Variants in ELOVL6 observed in about 807,000 individuals in gnomAD.
ELOVL6 encodes the protein ELOVL fatty acid elongase 6, also known as very long chain fatty acid elongase 6.
Under a neutral mutation model 31.7 loss-of-function variants are expected in ELOVL6, and 8 were observed. The observed-to-expected ratio is 0.25, with a 90% CI of 0.15 to 0.45. The LOEUF is 0.45. ELOVL6 is among the 20% of genes least tolerant of loss of function. ELOVL6 has a pLI of 1.00. For synonymous variants in ELOVL6, 101 were observed against 117.7 expected, an observed-to-expected ratio of 0.86 and a Z score of 0.92; for missense variants, 126 against 326.4, an observed-to-expected ratio of 0.39 and a Z score of 4.73.
rs117721449 is a variant in ELOVL6 at position 110,107,626 on chromosome 4, A to G, written c.90-1998T>C. Among the ~76,000 whole-genome samples the G allele has an allele frequency of 1.5e-3, 227 of 152,270 alleles. 6 individuals carry two copies. The East Asian group carries it at 0.041, about 28-fold the overall frequency. On this transcript the variant is annotated intron_variant, in intron 1 of 3. Transcript: ENST00000302274. ...TTGGCCATAAATTATATATTGCTTT[A>G]TTTCTCCTCTGGAAATTACAAGGGC...
chr4:110,183,413 T>G (rs999507191), intron 1 of ELOVL6, among the ~76,000 whole-genome samples: 30 of 152,212 alleles, frequency 2.0e-4, no homozygotes, highest in Non-Finnish European at 1.2e-4. Flanking sequence ...TGACGTCTTA[T>G]GTCTCCCTAA....
At chr4:110,185,381 G>A (rs1001625804) in intron 1 of ELOVL6, among the ~76,000 whole-genome samples, 6 of 152,142 alleles carry the variant, frequency 3.9e-5, no homozygotes, top group Non-Finnish European at 7.3e-5. Flanking sequence ...AGCCGTTTTA[G>A]CAGAATATGT....
intron 1 of ELOVL6, among the ~76,000 whole-genome samples, chr4:110,154,789 A>G (rs1758369211): frequency 6.6e-6 from 1 of 152,198 alleles, no homozygotes; most frequent in South Asian, 2.1e-4. Context: ...CCACCAAAAC[A>G]GATAATCACA....
chr4:110,064,768 G>A (rs566050163), intron 2 of ELOVL6, among the ~76,000 whole-genome samples: 1 of 152,202 alleles, frequency 6.6e-6, no homozygotes, highest in Admixed American at 6.5e-5. Context: ...GATTATAGAC[G>A]TGAGCTACTG....
At chr4:110,159,632 T>C (rs752878225) in intron 1 of ELOVL6, among the ~76,000 whole-genome samples, 18 of 152,312 alleles carry the variant, frequency 1.2e-4, no homozygotes, top group South Asian at 6.2e-4. Context: ...ATCGTGCATC[T>C]TGGTGTTTTT....
Position 110,144,619 on chromosome 4 carries a change from C to G in ELOVL6, c.90-38991G>C, listed in dbSNP as rs555375836. On this transcript the variant is annotated intron_variant, in intron 1 of 3. Coordinates refer to ENST00000302274, the MANE Select transcript of ELOVL6 (RefSeq NM_024090.3). ...TACTCTTTCCAACTTTACACTGGTA[C>G]CTAACCTGCAGAAATGATCTGACAG... Among the ~76,000 whole-genome samples, 7 of 152,230 alleles carry G rather than the reference C, an allele frequency of 4.6e-5. No individual in the cohort carries two copies. In the South Asian group the frequency reaches 1.5e-3, roughly 32 times the overall value.
chr4:110,064,195 C>T (rs956247406), intron 2 of ELOVL6, among the ~76,000 whole-genome samples: 9 of 151,952 alleles, frequency 5.9e-5, no homozygotes, highest in African/African-American at 1.9e-4. Context: ...GAGCAGTATA[C>T]GTTTCTGCTC....
intron 2 of ELOVL6, among the ~76,000 whole-genome samples, chr4:110,098,612 G>A (rs1452843025): frequency 1.3e-5 from 2 of 151,814 alleles, no homozygotes; most frequent in Admixed American, 1.3e-4. Context: ...TGAGGTTTTC[G>A]TGCATATTTT....
intron 1 of ELOVL6, among the ~76,000 whole-genome samples, chr4:110,121,101 T>C (rs1007044475): frequency 1.3e-5 from 2 of 152,176 alleles, no homozygotes; most frequent in Admixed American, 1.3e-4. Context: ...AATGGGTGGA[T>C]GTAAGCCAAG....
At chr4:110,084,588 ATTTTTTTTTTTTTTT>A (rs1168880044) in intron 2 of ELOVL6, among the ~76,000 whole-genome samples, 2 of 29,658 alleles carry the variant, frequency 6.7e-5, no homozygotes, top group East Asian at 1.6e-3. Context: ...ATATATATAT[ATTTTTTTTTTTTTTT>A]TTTTTTTTTG....
chr4:110,145,766 G>A (rs939847383), intron 1 of ELOVL6, among the ~76,000 whole-genome samples: 1 of 151,654 alleles, frequency 6.6e-6, no homozygotes, highest in African/African-American at 2.4e-5. Flanking sequence ...ATATTGTGAT[G>A]TTAAGAAATA....
intron 2 of ELOVL6, among the ~76,000 whole-genome samples, chr4:110,083,230 T>C (rs781425353): frequency 1.3e-5 from 2 of 151,710 alleles, no homozygotes; most frequent in Non-Finnish European, 2.9e-5. Flanking sequence ...AGGTAGTAAG[T>C]GCCACAGGAT....
intron 1 of ELOVL6, among the ~76,000 whole-genome samples, chr4:110,113,161 T>C (rs1757083050): frequency 1.4e-5 from 2 of 144,358 alleles, no homozygotes; most frequent in African/African-American, 2.6e-5. Flanking sequence ...CTGGGAGGCA[T>C]AGGCTGCAGC....
chr4:110,169,806 T>TA (rs1758890240), intron 1 of ELOVL6, among the ~76,000 whole-genome samples: 1 of 147,762 alleles, frequency 6.8e-6, no homozygotes. Context: ...TTTCTTTCTT[T>TA]CTTTTTTTTT....
At chr4:110,124,587 CA>C (rs1238316801) in intron 1 of ELOVL6, among the ~76,000 whole-genome samples, 1 of 151,760 alleles carries the variant, frequency 6.6e-6, no homozygotes, top group Non-Finnish European at 1.5e-5. Context: ...ACCATCAGGA[CA>C]AATAGCTAAT....
chr4:110,093,966 G>A (rs1377355534), intron 2 of ELOVL6, among the ~76,000 whole-genome samples: 2 of 152,070 alleles, frequency 1.3e-5, no homozygotes, highest in East Asian at 1.9e-4. Context: ...GAATATCTGG[G>A]TGGGGCTGGT....
chr4:110,158,614 T>C (rs547398609), intron 1 of ELOVL6, among the ~76,000 whole-genome samples: 2 of 139,070 alleles, frequency 1.4e-5, no homozygotes, highest in African/African-American at 2.8e-5. Flanking sequence ...CACATATATA[T>C]ACACACACAT....
intron 1 of ELOVL6, among the ~76,000 whole-genome samples, chr4:110,142,894 C>CT (rs1311759857): frequency 1.3e-5 from 2 of 152,108 alleles, no homozygotes; most frequent in Non-Finnish European, 2.9e-5. Flanking sequence ...TATGCCAGTG[C>CT]TAAATCTTCT....
At chr4:110,076,172 A>G (rs766408176) in intron 2 of ELOVL6, among the ~76,000 whole-genome samples, 1 of 152,246 alleles carries the variant, frequency 6.6e-6, no homozygotes, top group Non-Finnish European at 1.5e-5. Flanking sequence ...ATAATGACTC[A>G]GTACTTGAAT....
Sources: gnomAD v4.1 joint callset for allele counts (sites outside exome capture counted in the v4.1 genomes callset) on GRCh38, gnomAD v4.1.1 for gene constraint, MANE v1.5 for transcripts, NCBI Gene and HGNC (gene_info 2026-07-23, HGNC 2026-07-21) for gene names.